The following TTC21B variants were observed in gnomAD, a reference collection of about 807,000 sequenced individuals.
The protein encoded by TTC21B is tetratricopeptide repeat domain 21B, also known as tetratricopeptide repeat protein 21B.
In TTC21B, 127 loss-of-function variants were observed where a neutral mutation model predicts 175.1. The ratio of observed to expected loss-of-function variants is 0.73; its 90% CI spans 0.63 to 0.84. The LOEUF (loss-of-function observed/expected upper bound fraction) is 0.84. TTC21B is among the 40% of genes least tolerant of loss of function. The probability of loss-of-function intolerance (pLI) is 0.00; values close to 1 mark genes in which losing one functional copy is unlikely to be tolerated. For synonymous variants in TTC21B, 524 were observed against 524.5 expected (o/e 1.00, Z 0.01); for missense variants, 1,561 against 1,558.3 (o/e 1.00, Z -0.03).
intron 25 of TTC21B, among the ~76,000 whole-genome samples, chr2:165,887,446 G>C (rs1228663168): frequency 2.0e-5 from 3 of 151,968 alleles, no homozygotes; most frequent in African/African-American, 7.2e-5. Context: ...AAAAAAGGTG[G>C]AGGAGGCCGA....
At chr2:165,898,588 G>C in intron 22 of TTC21B, 98 bp downstream of exon 22, 1 of 799,812 alleles carries the variant, frequency 1.3e-6, no homozygotes. Flanking sequence ...GATTCAACTA[G>C]GGACGGAGTT....
chr2:165,935,259 T>C (rs1687087074), intron 6 of TTC21B, among the ~76,000 whole-genome samples: 1 of 152,218 alleles, frequency 6.6e-6, no homozygotes, highest in South Asian at 2.1e-4. Context: ...GATCTGTTTT[T>C]GTAGCAGCTT....
chr2:165,938,499 C>T (rs1419332637), intron 6 of TTC21B, among the ~76,000 whole-genome samples: 5 of 151,712 alleles, frequency 3.3e-5, no homozygotes, highest in Admixed American at 6.7e-5. Context: ...GAAGTAATTG[C>T]CAAAACAACA....
intron 19 of TTC21B, among the ~76,000 whole-genome samples, chr2:165,907,046 T>C (rs1454656367): frequency 6.7e-6 from 1 of 149,730 alleles, no homozygotes; most frequent in African/African-American, 2.4e-5. Context: ...TTATAAAACA[T>C]CTTTAAATTC....
At chr2:165,920,191 A>G (rs1686334576) in intron 12 of TTC21B, among the ~76,000 whole-genome samples, 1 of 152,164 alleles carries the variant, frequency 6.6e-6, no homozygotes, top group Admixed American at 6.5e-5. Flanking sequence ...GGCCTTAAGA[A>G]GATGTAAGTA....
Position 165,949,424 on chromosome 2 carries a change from T to A in TTC21B, c.232A>T (p.Ile78Leu). ...DVSLCSLLAL[I>L]YAHKMSPNPD... The stretch of plus-strand genomic sequence containing the variant: ...TTAGGACTCATTTTATGGGCATATA[T>A]CAGTGCAAGTAGAGAACAAAGTGAT... The change falls in exon 3 of 29, where the codon ATA (isoleucine) becomes TTA (leucine). Residue 78 changes from isoleucine to leucine, a missense_variant. Transcript: ENST00000243344. 1 of 1,613,486 alleles carries A rather than the reference T, an allele frequency of 6.2e-7. No homozygotes were observed. The highest frequency in any genetic ancestry group is 8.5e-7 in the Non-Finnish European group (1 of 1,179,524).
chr2:165,901,520 C>T (rs963632420), intron 20 of TTC21B, among the ~76,000 whole-genome samples: 1 of 151,826 alleles, frequency 6.6e-6, no homozygotes, highest in Non-Finnish European at 1.5e-5. Flanking sequence ...ACAAGGTTTC[C>T]CCATGTTGGT....
At chr2:165,883,164 TTG>T (rs1177299969) in intron 26 of TTC21B, among the ~76,000 whole-genome samples, 7 of 152,182 alleles carry the variant, frequency 4.6e-5, no homozygotes, top group African/African-American at 1.7e-4. Flanking sequence ...CATTTCTAAG[TTG>T]TGTGCAATTA....
At chr2:165,930,955 A>C (rs903021540) in intron 8 of TTC21B, among the ~76,000 whole-genome samples, 2 of 152,068 alleles carry the variant, frequency 1.3e-5, no homozygotes, top group Admixed American at 6.6e-5. Flanking sequence ...AACAAACTTT[A>C]AGAGTAAAAT....
At position 165,927,117 on chromosome 2, in the gene TTC21B, T is replaced by C. The variant is rs1427959228; in HGVS notation, c.1386+2018A>G. On this transcript the variant is annotated intron_variant, in intron 11 of 28. Transcript: ENST00000243344. ...AGATATATATATATATATATCCTAG[T>C]AGATATATATATATATATATCCTAG... 3.7e-4 allele frequency among the ~76,000 whole-genome samples: 12 copies of C among 32,726 alleles called. 1 individual carries two copies. Among genetic ancestry groups the C allele is most frequent in the African/African-American group, 2.0e-3 (11 of 5,558 alleles). 21.5% of individuals were successfully genotyped at this position (32,726 alleles called of 152,430 possible).
rs751908615 is a variant in TTC21B, at chr2:165,924,538, G to A, written c.1516+11C>T. 8.7e-6 allele frequency: 14 copies of A among 1,611,792 alleles called. No homozygotes were observed. Among genetic ancestry groups the A allele is most frequent in the Non-Finnish European group, 1.2e-5 (14 of 1,178,786 alleles). Reference sequence around the variant, plus strand: ...AATAAAAAGGTTAAAAGTTTTTAAGGTATACTCTACCTGACAAATATTTCA... The same window carrying A: ...AATAAAAAGGTTAAAAGTTTTTAAGATATACTCTACCTGACAAATATTTCA... On this transcript the variant is annotated intron_variant, in intron 12 of 28. Transcript: ENST00000243344.
At chr2:165,911,268 A>G in intron 18 of TTC21B, 59 bp downstream of exon 18, 1 of 1,595,944 alleles carries the variant, frequency 6.3e-7, no homozygotes, top group African/African-American at 1.3e-5. Context: ...TTTATGCAAT[A>G]TAAAAATAAA....
At chr2:165,878,734 T>C (rs1234812832) in intron 27 of TTC21B, among the ~76,000 whole-genome samples, 11 of 150,442 alleles carry the variant, frequency 7.3e-5, no homozygotes, top group Non-Finnish European at 1.5e-4. Flanking sequence ...CAGGCTGCAG[T>C]GCAGTGGTGT....
At chr2:165,885,823 T>C (rs1025085682) in intron 25 of TTC21B, among the ~76,000 whole-genome samples, 5 of 152,246 alleles carry the variant, frequency 3.3e-5, no homozygotes, top group African/African-American at 1.2e-4. Context: ...TTTTTTCTGG[T>C]GCAGACATCC....
intron 15 of TTC21B, among the ~76,000 whole-genome samples, chr2:165,914,277 T>C (rs369238077): frequency 6.6e-6 from 1 of 152,218 alleles, no homozygotes; most frequent in East Asian, 1.9e-4. Context: ...GCAGCTGATG[T>C]GTCAGATCTT....
intron 20 of TTC21B, 42 bp from the exon 21 acceptor site, chr2:165,899,922 TAA>T: frequency 8.6e-7 from 1 of 1,163,526 alleles, no homozygotes; most frequent in South Asian, 1.2e-5. Context: ...CTGTATAGAA[TAA>T]AAAGTCAATG....
At chr2:165,907,017 A>C (rs1236464791) in intron 19 of TTC21B, among the ~76,000 whole-genome samples, 2 of 151,870 alleles carry the variant, frequency 1.3e-5, no homozygotes, top group African/African-American at 2.4e-5. Flanking sequence ...ACACAGATGC[A>C]GAAATCCTGA....
intron 13 of TTC21B, among the ~76,000 whole-genome samples, chr2:165,919,029 A>G (rs907956261): frequency 1.3e-5 from 2 of 152,144 alleles, no homozygotes; most frequent in Admixed American, 1.3e-4. Flanking sequence ...AGAAAAGAAA[A>G]CTGAGGCTCA....
chr2:165,947,189 T>TATATATATATAC lies in TTC21B; in HGVS notation c.263-1500_263-1499insGTATATATATAT, dbSNP rs1443660061. On this transcript the variant is annotated intron_variant, in intron 3 of 28. Transcript: ENST00000243344. The stretch of plus-strand genomic sequence containing the variant: ...TCCCCCATATATATATATATATATA[T>TATATATATATAC]ATATTAGTATCTGCTTAGGACACAG... 4 of 136,414 alleles carry TATATATATATAC rather than the reference T, an allele frequency of 2.9e-5. 1 individual carries two copies. The highest frequency in any genetic ancestry group is 1.2e-4 in the African/African-American group (4 of 33,956). 8.5% of individuals were successfully genotyped at this position (136,414 alleles called of 1,614,324 possible). A position where few individuals can be genotyped will look rare whatever the true frequency, so the allele number is the denominator to read the frequency against.
Sources: allele counts gnomAD v4.1 joint callset (sites outside exome capture counted in the v4.1 genomes callset), GRCh38; gene constraint gnomAD v4.1.1; transcripts MANE v1.5; gene names NCBI Gene and HGNC (gene_info 2026-07-23, HGNC 2026-07-21).